The following NEK10 variants were observed in gnomAD, a reference collection of about 807,000 sequenced individuals.
NEK10 encodes the protein serine/threonine-protein kinase Nek10.
NEK10 carries 122 observed loss-of-function variants against 159.8 expected under a neutral mutation model. That is an observed-to-expected ratio of 0.76 (90% CI 0.66 to 0.89). NEK10 has a LOEUF of 0.89. Among genes scored for constraint, NEK10 ranks in the 40% least tolerant of loss-of-function variants. The pLI is 0.00. For synonymous variants in NEK10, 466 were observed against 457.1 expected (o/e 1.02, Z -0.25); for missense variants, 1,342 against 1,323.1 (o/e 1.01, Z -0.22).
chr3:27,127,535 C>T (rs749851998), intron 32 of NEK10, among the ~76,000 whole-genome samples: 1 of 152,106 alleles, frequency 6.6e-6, no homozygotes, highest in Non-Finnish European at 1.5e-5. Context: ...GTATTAAATA[C>T]TGTAGGCAAC....
At chr3:27,176,994 G>A in intron 26 of NEK10, among the ~76,000 whole-genome samples, 1 of 152,152 alleles carries the variant, frequency 6.6e-6, no homozygotes, top group East Asian at 1.9e-4. Flanking sequence ...TTGAACAAAT[G>A]AAGAGTCAGG....
chr3:27,207,368 A>G (rs966642775), intron 23 of NEK10, among the ~76,000 whole-genome samples: 1 of 152,210 alleles, frequency 6.6e-6, no homozygotes, highest in Non-Finnish European at 1.5e-5. Context: ...TTGAAAAACT[A>G]TCATTGAAGA....
chr3:27,163,573 C>G (rs142635184), intron 29 of NEK10, among the ~76,000 whole-genome samples: 53 of 151,984 alleles, frequency 3.5e-4, no homozygotes, highest in African/African-American at 1.3e-3. Flanking sequence ...AGGATGGTCT[C>G]GATCTCCTGA....
At chr3:27,203,072 A>T (rs1254243308) in intron 23 of NEK10, among the ~76,000 whole-genome samples, 3 of 152,188 alleles carry the variant, frequency 2.0e-5, no homozygotes, top group African/African-American at 7.2e-5. Flanking sequence ...GCTTCGGTCC[A>T]CTACCAGAGG....
chr3:27,229,447 A>G (rs1446464136), intron 23 of NEK10, among the ~76,000 whole-genome samples: 1 of 152,220 alleles, frequency 6.6e-6, no homozygotes, highest in Non-Finnish European at 1.5e-5. Flanking sequence ...AATTCTGGCA[A>G]TATGACAAAA....
At chr3:27,279,145 G>C (rs1387786533) in intron 22 of NEK10, among the ~76,000 whole-genome samples, 1 of 152,130 alleles carries the variant, frequency 6.6e-6, no homozygotes, top group East Asian at 1.9e-4. Context: ...CTATAAATAA[G>C]TGCAAACCAA....
intron 32 of NEK10, among the ~76,000 whole-genome samples, chr3:27,121,767 G>C (rs972468717): frequency 6.6e-6 from 1 of 152,106 alleles, no homozygotes; most frequent in African/African-American, 2.4e-5. Flanking sequence ...AAGGGTAACA[G>C]AAATCAGGTA....
chr3:27,153,739 T>G (rs879730619), intron 30 of NEK10, among the ~76,000 whole-genome samples: 1 of 152,168 alleles, frequency 6.6e-6, no homozygotes, highest in Non-Finnish European at 1.5e-5. Flanking sequence ...GATGGAAATT[T>G]AAAAATTCTT....
intron 23 of NEK10, among the ~76,000 whole-genome samples, chr3:27,222,278 C>T (rs879883660): frequency 7.9e-5 from 12 of 152,080 alleles, no homozygotes; most frequent in Non-Finnish European, 1.2e-4. Context: ...GAGGCTGAGA[C>T]GGGAGAATTA....
rs754839856 is a variant in NEK10, at chr3:27,309,013, A to G, written c.637-8T>C. The G allele has an allele frequency of 2.0e-6, 3 of 1,468,792 alleles. No individual in the cohort carries two copies. The South Asian group carries it at 3.5e-5, about 17-fold the overall frequency. 91.0% of individuals were successfully genotyped at this position (1,468,792 alleles called of 1,614,324 possible). Reference sequence around the variant, plus strand: ...AAGTAAATTTACTAATGTCTGAAAAATGAAGTAAAATAAAGTTTAATTATA... The same window carrying G: ...AAGTAAATTTACTAATGTCTGAAAAGTGAAGTAAAATAAAGTTTAATTATA... On this transcript the variant is annotated splice_polypyrimidine_tract_variant and splice_region_variant and intron_variant, in intron 9 of 35. Transcript: ENST00000691995.
chr3:27,308,008 C>T, intron 10 of NEK10, 63 bp from the exon 11 acceptor site: 1 of 788,152 alleles, frequency 1.3e-6, no homozygotes, highest in South Asian at 1.4e-5. Flanking sequence ...TGTATTAGTC[C>T]TTTTTCAAAC....
intron 32 of NEK10, among the ~76,000 whole-genome samples, chr3:27,129,280 G>C (rs1430670517): frequency 6.6e-6 from 1 of 152,104 alleles, no homozygotes; most frequent in Non-Finnish European, 1.5e-5. Flanking sequence ...TTAGTAAGTA[G>C]GCACAGTCAT....
chr3:27,179,657 C>A (rs1947868354), intron 26 of NEK10, among the ~76,000 whole-genome samples: 3 of 152,166 alleles, frequency 2.0e-5, no homozygotes. Context: ...TGGTCCATCA[C>A]AACAATACTG....
rs146810931 is a variant in NEK10 at position 27,351,657 on chromosome 3, G to C, written c.132+808C>G. Reference sequence around the variant, plus strand: ...CTATAGTTCTCTGGTAAATGTGATTGATATAACAAAAACTGTCAGGGCTGG... The same window carrying C: ...CTATAGTTCTCTGGTAAATGTGATTCATATAACAAAAACTGTCAGGGCTGG... On this transcript the variant is annotated intron_variant, in intron 3 of 35. Coordinates refer to ENST00000691995, the MANE Select transcript of NEK10 (RefSeq NM_001394966.1). 1.8e-3 allele frequency among the ~76,000 whole-genome samples: 280 copies of C among 152,170 alleles called. 1 individual carries two copies. The highest frequency in any genetic ancestry group is 6.6e-3 in the African/African-American group (273 of 41,524).
At chr3:27,214,878 C>T (rs762724620) in intron 23 of NEK10, 6 of 1,216,706 alleles carry the variant, frequency 4.9e-6, no homozygotes, top group Non-Finnish European at 7.3e-6. Flanking sequence ...ATTCCTAATC[C>T]CATGCCAGAA....
At chr3:27,288,692 A>AT (rs2042791135) in intron 19 of NEK10, among the ~76,000 whole-genome samples, 1 of 152,148 alleles carries the variant, frequency 6.6e-6, no homozygotes, top group East Asian at 1.9e-4. Context: ...GGAATTTCTA[A>AT]TTTTTTAATT....
At chr3:27,328,566 A>T (rs1194207184) in intron 5 of NEK10, among the ~76,000 whole-genome samples, 1 of 152,224 alleles carries the variant, frequency 6.6e-6, no homozygotes, top group Non-Finnish European at 1.5e-5. Flanking sequence ...GTGAGCAAAG[A>T]TAGAGCAATA....
At chr3:27,215,995 T>A (rs1233407257) in intron 23 of NEK10, 1 of 465,404 alleles carries the variant, frequency 2.1e-6, no homozygotes, top group Admixed American at 3.8e-5. Flanking sequence ...CATACGGGAT[T>A]AAAATTCAAC....
intron 11 of NEK10, among the ~76,000 whole-genome samples, chr3:27,305,943 A>T (rs1395701391): frequency 6.6e-6 from 1 of 152,136 alleles, no homozygotes; most frequent in Non-Finnish European, 1.5e-5. Flanking sequence ...CCCTGTCATC[A>T]TGATCTCAGC....
Sources: gnomAD v4.1 joint callset for allele counts (sites outside exome capture counted in the v4.1 genomes callset) on GRCh38, gnomAD v4.1.1 for gene constraint, MANE v1.5 for transcripts, NCBI Gene and HGNC (gene_info 2026-07-23, HGNC 2026-07-21) for gene names.